Variants in ZNF256 observed in about 807,000 individuals in gnomAD.
ZNF256 encodes the protein zinc finger protein 256, also known as bone marrow zinc finger 3.
A neutral mutation model predicts 7.9 loss-of-function variants in ZNF256; 4 were observed. The observed-to-expected ratio is 0.50, with a 90% confidence interval of 0.25 to 1.15. ZNF256 has a LOEUF of 1.15. Ranked by LOEUF, ZNF256 falls within the 50% of genes most tolerant of loss-of-function variation. ZNF256 has a pLI of 0.15. For missense variants in ZNF256, 666 were observed against 755.9 expected (o/e 0.88, Z 1.39); for synonymous variants, 260 against 260.4 (o/e 1.00, Z 0.02).
At position 57,941,198 on chromosome 19, in the gene ZNF256, T is replaced by A; in HGVS notation, c.1610A>T (p.His537Leu). 1 of 1,613,886 alleles carries A rather than the reference T, an allele frequency of 6.2e-7. No individual in the cohort carries two copies. Among genetic ancestry groups the A allele is most frequent in the Non-Finnish European group, 8.5e-7 (1 of 1,179,762 alleles). ...CCTTTCTCCGGTGTGACTTCTCCTATGTCTAATGAGGCTGGAGCTCTGGCT... is the reference window on the plus strand; with the variant it reads ...CCTTTCTCCGGTGTGACTTCTCCTAAGTCTAATGAGGCTGGAGCTCTGGCT... ...FFSQSSSLIR[H>L]RRSHTGERPY... Residue 537 changes from histidine to leucine, a missense_variant, in exon 3 of 3, where the codon CAT becomes CTT. Transcript: ENST00000282308.
At chr19:57,945,232 G>A (rs2072758899) in intron 1 of ZNF256, among the ~76,000 whole-genome samples, 1 of 152,122 alleles carries the variant, frequency 6.6e-6, no homozygotes, top group Admixed American at 6.5e-5. Context: ...CTCATAGCCT[G>A]TGAAAGAATA....
In ZNF256 at chr19:57,941,329, A is replaced by G; in HGVS notation, c.1479T>C (p.Cys493=). The G allele has an allele frequency of 1.2e-6, 2 of 1,613,468 alleles. No homozygotes were observed. The highest frequency in any genetic ancestry group is 1.3e-5 in the African/African-American group (1 of 74,784). The change falls in exon 3 of 3, where the codon TGT becomes TGC. Residue 493 remains cysteine (C), a synonymous_variant. Transcript: ENST00000282308. The part of the protein sequence containing the change: ...KVHTGARPYE[C]GECGKSFTHS... ...GAGTAAATGATTTCCCACACTCCCC[A>G]CATTCATAAGGCCTTGCTCCAGTAT...
rs757377725 is a variant in ZNF256 at position 57,942,161 on chromosome 19, C to T, written c.647G>A (p.Cys216Tyr). The change falls in exon 3 of 3, where the codon TGT becomes TAT. Residue 216 changes from cysteine to tyrosine, a missense_variant. Coordinates refer to ENST00000282308, the MANE Select transcript of ZNF256 (RefSeq NM_005773.3). ...SVKNHYNWGE[C>Y]VKAFSYKHVR... is the part of the protein sequence containing the mutation. ...ATGTTTGTAGCTGAAAGCTTTCACACATTCTCCCCAGTTGTAATGATTTTT... is the reference window on the plus strand; with the variant it reads ...ATGTTTGTAGCTGAAAGCTTTCACATATTCTCCCCAGTTGTAATGATTTTT... 8.7e-6 allele frequency: 14 copies of T among 1,614,124 alleles called. No individual in the cohort carries two copies. The highest frequency in any genetic ancestry group is 1.2e-5 in the Non-Finnish European group (14 of 1,180,056).
At position 57,941,732 on chromosome 19, in the gene ZNF256, G is replaced by C. The variant is rs774435486; in HGVS notation, c.1076C>G (p.Ser359Cys). The change falls in exon 3 of 3, where the codon TCT (serine) becomes TGT (cysteine). Residue 359 changes from serine to cysteine, a missense_variant. By Grantham distance (112) the Ser-to-Cys change is moderately radical. Transcript: ENST00000282308. ...AATAAGGCTAGAACTATGGATAAAA[G>C]ATTTCCCACATTCACTGCACTCATA... Reference protein sequence around the residue: ...RPYECSECGKSFIHSSSLITH... With the variant: ...RPYECSECGKCFIHSSSLITH... 6 of 1,613,576 alleles carry C rather than the reference G, an allele frequency of 3.7e-6. No individual in the cohort carries two copies. The highest frequency in any genetic ancestry group is 1.1e-5 in the South Asian group (1 of 91,070).
At chr19:57,944,097 C>T in intron 1 of ZNF256, 37 bp from the exon 2 acceptor site, 1 of 1,611,476 alleles carries the variant, frequency 6.2e-7, no homozygotes. Context: ...ACAAACGGTT[C>T]CTCCTCTCAG....
In ZNF256 at chr19:57,941,099, G is replaced by A. The variant is rs748142707; in HGVS notation, c.1709C>T (p.Thr570Ile). 1 of 1,614,126 alleles carries A rather than the reference G, an allele frequency of 6.2e-7. No homozygotes were observed. Residue 570 changes from threonine (T) to isoleucine (I), a missense_variant, in exon 3 of 3, where the codon ACC becomes ATC. Transcript: ENST00000282308. ...SSLVKHRRVH[T>I]GERPYECSEC... ...ACTGCATTCATAAGGCCTTTCTCCG[G>A]TATGAACTCTTCGGTGTTTAACGAG...
chr19:57,942,091 G>T lies in ZNF256; in HGVS notation c.717C>A (p.Tyr239Ter). 1 of 1,614,244 alleles carries T rather than the reference G, an allele frequency of 6.2e-7. No individual in the cohort carries two copies. The highest frequency in any genetic ancestry group is 8.5e-7 in the Non-Finnish European group (1 of 1,180,046). Reference sequence around the variant, plus strand: ...AAGATTTCCCACATTCACTGCACATGTAAGATCTTTCCCTAATGAGGTCTC... The same window carrying T: ...AAGATTTCCCACATTCACTGCACATTTAAGATCTTTCCCTAATGAGGTCTC... Reference protein sequence around the residue: ...HQGDLIRERSYMCSECGKSFS... With the variant: ...HQGDLIRERS Residue 239 changes from tyrosine to a stop codon, truncating the protein, a stop_gained, in exon 3 of 3, where the codon TAC (tyrosine) becomes TAA (stop). Coordinates refer to ENST00000282308, the MANE Select transcript of ZNF256 (RefSeq NM_005773.3). LOFTEE classifies it low-confidence loss of function (END_TRUNC).
chr19:57,947,592 G>A lies in ZNF256; in HGVS notation c.-118C>T. The A allele has an allele frequency of 2.9e-6, 3 of 1,020,102 alleles. No individual in the cohort carries two copies. Among genetic ancestry groups the A allele is most frequent in the Non-Finnish European group, 3.8e-6 (3 of 779,762 alleles). The allele number at this position is 1,020,102 out of a possible 1,614,324, so 63.2% of individuals were successfully genotyped here. ...CTGTGCAGCGGGGAAGACTCCTCTC[G>A]CGCCTTCTCAGTCAGTCACGGATGA... is the stretch of plus-strand genomic sequence containing the variant. On this transcript the variant is annotated 5_prime_UTR_variant, in exon 1 of 3. Coordinates refer to ENST00000282308, the MANE Select transcript of ZNF256 (RefSeq NM_005773.3).
rs2072748475 is a variant in ZNF256 at position 57,943,983 on chromosome 19, G to A, written c.111C>T (p.Cys37=). 1 of 1,613,950 alleles carries A rather than the reference G, an allele frequency of 6.2e-7. No individual in the cohort carries two copies. Among genetic ancestry groups the A allele is most frequent in the Non-Finnish European group, 8.5e-7 (1 of 1,180,006 alleles). ...EWGLLDEAQK[C]LYHDVMLENL... ...TCTCCAGCATCACATCGTGGTACAG[G>A]CATTTCTGAGCCTCATCAAGAAGAC... is the stretch of plus-strand genomic sequence containing the variant. The change falls in exon 2 of 3, where the codon TGC becomes TGT. Residue 37 remains cysteine, a synonymous_variant. Transcript: ENST00000282308.
rs759432695 is a variant in ZNF256 at position 57,941,867 on chromosome 19, T to C, written c.941A>G (p.Gln314Arg). 6.2e-7 allele frequency: 1 copy of C among 1,614,228 alleles called. No individual in the cohort carries two copies. The highest frequency in any genetic ancestry group is 1.1e-5 in the South Asian group (1 of 91,090). Reference sequence around the variant, plus strand: ...AGGCCTTTCTCCAGTATGAACTCTCTGATGTATAAGAAGGTCATACTTCCT... The same window carrying C: ...AGGCCTTTCTCCAGTATGAACTCTCCGATGTATAAGAAGGTCATACTTCCT... ...FNRKYDLLIH[Q>R]RVHTGERPYK... Residue 314 changes from glutamine (Q) to arginine (R), a missense_variant, in exon 3 of 3, where the codon CAG becomes CGG. Transcript: ENST00000282308.
chr19:57,945,170 C>T lies in ZNF256; in HGVS notation c.34-1110G>A, dbSNP rs111631845. Among the ~76,000 whole-genome samples the T allele has an allele frequency of 2.0e-3, 298 of 152,256 alleles. 1 individual carries two copies. The highest frequency in any genetic ancestry group is 6.7e-3 in the African/African-American group (280 of 41,552). On this transcript the variant is annotated intron_variant, in intron 1 of 2. Transcript: ENST00000282308. ...TCGGCCTCCCAAAGTGCTGGGATTA[C>T]AGGCGTGAGCCACCACGCCTGGCTG...
intron 1 of ZNF256, 71 bp from the exon 2 acceptor site, chr19:57,944,131 C>T: frequency 1.3e-6 from 2 of 1,595,850 alleles, no homozygotes; most frequent in Non-Finnish European, 1.7e-6. Flanking sequence ...TCCCCTCACA[C>T]ATTTACCCCA....
At chr19:57,945,182 A>C (rs540103895) in intron 1 of ZNF256, among the ~76,000 whole-genome samples, 1 of 152,294 alleles carries the variant, frequency 6.6e-6, no homozygotes, top group Non-Finnish European at 1.5e-5. Flanking sequence ...GGCGTGAGCC[A>C]CCACGCCTGG....
chr19:57,943,645 A>T (rs1165674774), intron 2 of ZNF256, among the ~76,000 whole-genome samples: 1 of 152,218 alleles, frequency 6.6e-6, no homozygotes, highest in Non-Finnish European at 1.5e-5. Flanking sequence ...GGCCTTGAGG[A>T]GCCTCGAATC....
Sources: allele counts gnomAD v4.1 joint callset (sites outside exome capture counted in the v4.1 genomes callset), GRCh38; gene constraint gnomAD v4.1.1; transcripts MANE v1.5; gene names NCBI Gene and HGNC (gene_info 2026-07-23, HGNC 2026-07-21).